The following YME1L1 variants were observed in gnomAD, a reference collection of about 807,000 sequenced individuals.
YME1L1 encodes the protein YME1 like 1 ATPase, also known as ATP-dependent zinc metalloprotease YME1L1.
A neutral mutation model predicts 90.4 loss-of-function variants in YME1L1; 39 were observed. The ratio of observed to expected loss-of-function variants is 0.43; its 90% CI spans 0.33 to 0.56. YME1L1 has a LOEUF of 0.56. YME1L1 is among the 20% of genes least tolerant of loss of function. The pLI is 0.03. For missense variants in YME1L1, 617 were observed against 868.4 expected, an observed-to-expected ratio of 0.71 and a Z score of 3.64; for synonymous variants, 284 against 287.3, an observed-to-expected ratio of 0.99 and a Z score of 0.12.
Position 27,126,886 on chromosome 10 carries a change from G to A in YME1L1, c.859-100C>T, listed in dbSNP as rs150097810. ...AAAATCATAAATTTAATTTGGATAT[G>A]GAATTAACCTGACCTTCTCTGTTTC... On this transcript the variant is annotated intron_variant, in intron 8 of 18. Coordinates refer to ENST00000376016, the MANE Select transcript of YME1L1 (RefSeq NM_014263.4). The A allele has an allele frequency of 6.1e-4, 419 of 688,856 alleles. No homozygotes were observed. The African/African-American group carries it at 7.4e-3, about 12-fold the overall frequency. The allele number at this position is 688,856 out of a possible 1,614,324, so 42.7% of individuals were successfully genotyped here.
chr10:27,147,711 T>C, intron 2 of YME1L1: 1 of 1,548,640 alleles, frequency 6.5e-7, no homozygotes. Context: ...GGTATGCTCA[T>C]TTAGCAAGTT....
chr10:27,114,527 A>G lies in YME1L1; in HGVS notation c.2001T>C (p.Leu667=). ...GCACAAAAAATATTATTACCCTTAG[A>G]AGGATTCTTATTTCTTGTTCGATGG... ...QSAIEQEIRI[L]LRDSYERAKH... The change falls in exon 18 of 19, where the codon CTT becomes CTC. Residue 667 remains leucine, a synonymous_variant. Transcript: ENST00000376016. 2 of 1,612,738 alleles carry G rather than the reference A, an allele frequency of 1.2e-6. No homozygotes were observed. The highest frequency in any genetic ancestry group is 1.7e-6 in the Non-Finnish European group (2 of 1,179,084).
intron 17 of YME1L1, among the ~76,000 whole-genome samples, chr10:27,115,788 T>G (rs1290268029): frequency 6.6e-6 from 1 of 152,222 alleles, no homozygotes; most frequent in Non-Finnish European, 1.5e-5. Flanking sequence ...GTAGACTCTT[T>G]CATGCCACAT....
rs369228135 is a variant in YME1L1, at chr10:27,126,720, T to C, written c.925A>G (p.Ile309Val). Residue 309 changes from isoleucine (I) to valine (V), a missense_variant, in exon 9 of 19, where the codon ATT (isoleucine) becomes GTT (valine). Around this residue, in one of 4 missense-constraint regions of YME1L1, gnomAD observed 93 missense variants for 184.8 expected, o/e 0.50. Coordinates refer to ENST00000376016, the MANE Select transcript of YME1L1 (RefSeq NM_014263.4). ...CCTTTTGGAAGTTTACCTCCAAGAA[T>C]AGTAAATTTTTGTGGATTTTTCAAG... ...EFLKNPQKFT[I>V]LGGKLPKGIL... 52 of 1,578,844 alleles carry C rather than the reference T, an allele frequency of 3.3e-5. No homozygotes were observed. The highest frequency in any genetic ancestry group is 4.2e-5 in the Non-Finnish European group (49 of 1,161,446).
At chr10:27,143,590 C>A (rs369197695) in intron 3 of YME1L1, among the ~76,000 whole-genome samples, 1 of 150,252 alleles carries the variant, frequency 6.7e-6, no homozygotes, top group African/African-American at 2.5e-5. Context: ...CCCAGCTGCT[C>A]GGGAGGCTGA....
intron 18 of YME1L1, among the ~76,000 whole-genome samples, chr10:27,113,219 CAAAAAAAAAAAAAAAAAAAAAAAAAA>C (rs869122796): frequency 2.3e-5 from 1 of 43,088 alleles, no homozygotes; most frequent in Non-Finnish European, 4.4e-5. Context: ...GATGCTGTCT[CAAAAAAAAAAAAAAAAAAAAAAAAAA>C]AAAAAAAAAA....
chr10:27,116,015 T>C (rs1274474627), intron 17 of YME1L1, 45 bp downstream of exon 17: 3 of 1,527,538 alleles, frequency 2.0e-6, no homozygotes, highest in African/African-American at 2.8e-5. Context: ...AATCAACACT[T>C]GACACATAAT....
chr10:27,124,501 A>T (rs1008991425), intron 9 of YME1L1, among the ~76,000 whole-genome samples: 2 of 152,194 alleles, frequency 1.3e-5, no homozygotes, highest in African/African-American at 4.8e-5. Flanking sequence ...ACTTCTTTAC[A>T]TACATGTTTG....
At chr10:27,151,215 C>T (rs11015574) in intron 1 of YME1L1, among the ~76,000 whole-genome samples, 2 of 152,164 alleles carry the variant, frequency 1.3e-5, no homozygotes, top group Non-Finnish European at 2.9e-5. Flanking sequence ...AGTCCCCGCG[C>T]CTGGCGACTC....
chr10:27,117,801 C>A, intron 14 of YME1L1, 74 bp from the exon 15 acceptor site: 5 of 1,475,458 alleles, frequency 3.4e-6, no homozygotes, highest in South Asian at 1.2e-5. Context: ...TTCTTGTCTG[C>A]AAATCAAATA....
intron 4 of YME1L1, among the ~76,000 whole-genome samples, chr10:27,140,542 G>A (rs182669971): frequency 2.1e-3 from 319 of 151,992 alleles, no homozygotes; most frequent in African/African-American, 7.4e-3. Flanking sequence ...TCAGTGGCGC[G>A]GTCTCGGCTC....
chr10:27,123,475 G>T (rs2056886656), intron 10 of YME1L1, 72 bp downstream of exon 10: 2 of 1,488,792 alleles, frequency 1.3e-6, no homozygotes, highest in Non-Finnish European at 1.8e-6. Context: ...AAAGTAATTA[G>T]CAAAGAAAGG....
chr10:27,138,187 A>G (rs1402420193), intron 4 of YME1L1, among the ~76,000 whole-genome samples: 1 of 152,094 alleles, frequency 6.6e-6, no homozygotes, highest in Admixed American at 6.5e-5. Context: ...TGTCAGCACT[A>G]GGTTAAATTT....
intron 4 of YME1L1, among the ~76,000 whole-genome samples, chr10:27,139,386 G>A (rs2057062812): frequency 6.6e-6 from 1 of 152,054 alleles, no homozygotes; most frequent in Admixed American, 6.6e-5. Flanking sequence ...TTGAGATGAT[G>A]TCTGGGCTTG....
At position 27,113,219 on chromosome 10, in the gene YME1L1, C is replaced by CAAAAAAAAAAAAAAAA. The variant is rs869122796; in HGVS notation, c.2008-1115_2008-1100dup. Among the ~76,000 whole-genome samples the CAAAAAAAAAAAAAAAA allele has an allele frequency of 1.4e-4, 6 of 43,104 alleles. 1 individual carries two copies. The highest frequency in any genetic ancestry group is 2.6e-4 in the Non-Finnish European group (6 of 22,826). 28.3% of individuals were successfully genotyped at this position (43,104 alleles called of 152,430 possible). ...TGGGTGACAGGGCAAGATGCTGTCT[C>CAAAAAAAAAAAAAAAA]AAAAAAAAAAAAAAAAAAAAAAAAA... is the stretch of plus-strand genomic sequence containing the variant. On this transcript the variant is annotated intron_variant, in intron 18 of 18. Coordinates refer to ENST00000376016, the MANE Select transcript of YME1L1 (RefSeq NM_014263.4).
intron 12 of YME1L1, among the ~76,000 whole-genome samples, chr10:27,120,857 C>T (rs949104287): frequency 1.1e-4 from 17 of 152,196 alleles, no homozygotes; most frequent in African/African-American, 3.6e-4. Flanking sequence ...GAGAACCACA[C>T]ATCCATCTCA....
chr10:27,119,424 T>A lies in YME1L1; in HGVS notation c.1437A>T (p.Arg479=). The A allele has an allele frequency of 6.2e-7, 1 of 1,611,344 alleles. No homozygotes were observed. The highest frequency in any genetic ancestry group is 1.7e-4 in the Middle Eastern group (1 of 6,042). The change falls in exon 14 of 19, where the codon CGA becomes CGT. Residue 479 remains arginine, a synonymous_variant. Transcript: ENST00000376016. The stretch of plus-strand genomic sequence containing the variant: ...CTGCTCCGGAAAAGCCAACAGTACC[T>A]CGAGCTATAATTTCTGGATCAACGG... ...DQSVDPEIIA[R]GTVGFSGAEL... is the part of the protein sequence containing the mutation.
rs1389522956 is a variant in YME1L1 at position 27,114,547 on chromosome 10, C to G, written c.1981G>C (p.Glu661Gln). 6.2e-7 allele frequency: 1 copy of G among 1,613,612 alleles called. No individual in the cohort carries two copies. Among genetic ancestry groups the G allele is most frequent in the Non-Finnish European group, 8.5e-7 (1 of 1,179,876 alleles). The change falls in exon 18 of 19, where the codon GAA becomes CAA. Residue 661 changes from glutamate (E) to glutamine (Q), a missense_variant. Glu to Gln is a conservative substitution (Grantham distance 29, BLOSUM62 2). This residue lies in a region of YME1L1 where 212 missense variants were observed against 330.0 expected (regional missense o/e 0.64). Transcript: ENST00000376016. ...KLSPETQSAI[E>Q]QEIRILLRDS... is the part of the protein sequence containing the mutation. ...CTTAGAAGGATTCTTATTTCTTGTT[C>G]GATGGCAGATTGGGTTTCTGGACTT...
At chr10:27,135,519 T>G (rs1339318553) in intron 5 of YME1L1, among the ~76,000 whole-genome samples, 1 of 152,204 alleles carries the variant, frequency 6.6e-6, no homozygotes, top group Admixed American at 6.5e-5. Flanking sequence ...GGAAAAGGCC[T>G]TACAGAGAAT....
Sources: gnomAD v4.1 joint callset for allele counts (sites outside exome capture counted in the v4.1 genomes callset) on GRCh38, gnomAD v4.1.1 for gene constraint, gnomAD v4.1.1 regional missense constraint, MANE v1.5 for transcripts, NCBI Gene and HGNC (gene_info 2026-07-23, HGNC 2026-07-21) for gene names.